NRF1: variants seen among roughly 807,000 people sequenced by gnomAD.
The protein encoded by NRF1 is alpha palindromic-binding protein.
NRF1 carries 5 observed loss-of-function variants against 58.5 expected under a neutral mutation model. The ratio of observed to expected loss-of-function variants is 0.09; its 90% CI spans 0.04 to 0.18. The LOEUF is 0.18. Ranked by LOEUF, NRF1 falls within the 10% of genes least tolerant of loss-of-function variation. The pLI is 1.00. For synonymous variants in NRF1, 224 were observed against 246.7 expected (o/e 0.91, Z 0.86); for missense variants, 288 against 657.7 (o/e 0.44, Z 6.15).
chr7:129,657,656 C>T, intron 2 of NRF1, 82 bp downstream of exon 2: 3 of 875,126 alleles, frequency 3.4e-6, no homozygotes, highest in Non-Finnish European at 5.1e-6. Context: ...GTTGCTCAGG[C>T]TGGGGTGCAG....
At chr7:129,692,130 C>T (rs115024561) in intron 5 of NRF1, among the ~76,000 whole-genome samples, 1,836 of 152,174 alleles carry the variant, frequency 0.012, 44 homozygotes, top group African/African-American at 0.042. Flanking sequence ...GTCAGTTCAC[C>T]TCTGAAATGT....
chr7:129,650,102 G>A (rs932096375), intron 1 of NRF1, among the ~76,000 whole-genome samples: 3 of 152,036 alleles, frequency 2.0e-5, no homozygotes, highest in Non-Finnish European at 4.4e-5. Flanking sequence ...TGATGATCCA[G>A]GGTAAGAAAG....
intron 1 of NRF1, among the ~76,000 whole-genome samples, chr7:129,637,224 G>A (rs984236676): frequency 3.3e-4 from 50 of 150,962 alleles, no homozygotes; most frequent in Non-Finnish European, 5.5e-4. Flanking sequence ...GTTCTGTACA[G>A]GATTCTGCTT....
chr7:129,676,830 A>G (rs1470364482), intron 3 of NRF1, among the ~76,000 whole-genome samples: 1 of 152,256 alleles, frequency 6.6e-6, no homozygotes, highest in East Asian at 1.9e-4. Context: ...AACACAAAAT[A>G]ACAAAGCACA....
intron 2 of NRF1, among the ~76,000 whole-genome samples, chr7:129,668,480 A>G (rs988961040): frequency 6.6e-6 from 1 of 152,348 alleles, no homozygotes; most frequent in African/African-American, 2.4e-5. Flanking sequence ...CAGTTTATCA[A>G]ATTCCACAAA....
chr7:129,656,858 C>G (rs1050470404), intron 1 of NRF1, among the ~76,000 whole-genome samples: 2 of 152,182 alleles, frequency 1.3e-5, no homozygotes, highest in Non-Finnish European at 2.9e-5. Context: ...ACTACAGGCA[C>G]TTGCCGCCAT....
intron 10 of NRF1, among the ~76,000 whole-genome samples, chr7:129,744,513 TTCGAACTGCTGGCC>T (rs1428411375): frequency 1.3e-5 from 2 of 152,106 alleles, no homozygotes; most frequent in Non-Finnish European, 2.9e-5. Context: ...AGACTACAGG[TTCGAACTGCTGGCC>T]TCAAGTGATC....
intron 2 of NRF1, among the ~76,000 whole-genome samples, chr7:129,664,343 T>C (rs929344707): frequency 6.6e-6 from 1 of 152,306 alleles, no homozygotes; most frequent in South Asian, 2.1e-4. Context: ...GTATTAGATA[T>C]TGATCTTAGA....
At chr7:129,656,777 A>G (rs1032238527) in intron 1 of NRF1, among the ~76,000 whole-genome samples, 1 of 152,262 alleles carries the variant, frequency 6.6e-6, no homozygotes, top group East Asian at 1.9e-4. Context: ...GGGTTTTGCC[A>G]TGTTGGCCAG....
chr7:129,725,332 CT>C (rs886446824), intron 9 of NRF1, among the ~76,000 whole-genome samples: 347 of 143,726 alleles, frequency 2.4e-3, no homozygotes, highest in Middle Eastern at 7.4e-3. Flanking sequence ...TAATTATTAT[CT>C]TTTTTTTTTT....
At position 129,755,441 on chromosome 7, in the gene NRF1, C is replaced by T. The variant is rs1323779252; in HGVS notation, c.*260C>T. ...CAAATTGTGGCAGGACTTCTTTCTGCGGAAATGTGTGTGTATACTTATGTG... is the reference window on the plus strand; with the variant it reads ...CAAATTGTGGCAGGACTTCTTTCTGTGGAAATGTGTGTGTATACTTATGTG... On this transcript the variant is annotated 3_prime_UTR_variant, in exon 11 of 11. Transcript: ENST00000393232. This position sits in a 1 kb window ranked among gnomAD's most constrained non-coding sequence, Gnocchi z 5.8. 3 of 377,992 alleles carry T rather than the reference C, an allele frequency of 7.9e-6. No homozygotes were observed. Among genetic ancestry groups the T allele is most frequent in the South Asian group, 6.0e-5 (2 of 33,590 alleles). 23.4% of individuals were successfully genotyped at this position (377,992 alleles called of 1,614,324 possible).
intron 10 of NRF1, among the ~76,000 whole-genome samples, chr7:129,754,616 C>G (rs1490646905): frequency 6.6e-6 from 1 of 151,910 alleles, no homozygotes. Flanking sequence ...TTCTGGTGTT[C>G]AGTTACACAG....
At chr7:129,753,505 C>T (rs1448453797) in intron 10 of NRF1, among the ~76,000 whole-genome samples, 1 of 152,166 alleles carries the variant, frequency 6.6e-6, no homozygotes, top group Admixed American at 6.5e-5. Flanking sequence ...GTTGACATCC[C>T]TCGGTTATAT....
At chr7:129,754,792 C>T (rs1804212782) in intron 10 of NRF1, among the ~76,000 whole-genome samples, 1 of 152,038 alleles carries the variant, frequency 6.6e-6, no homozygotes, top group Non-Finnish European at 1.5e-5. Context: ...CATTGTACCC[C>T]ATAAACATGA....
chr7:129,677,719 T>C lies in NRF1; in HGVS notation c.426T>C (p.Pro142=), dbSNP rs1325946314. 9.3e-6 allele frequency: 15 copies of C among 1,614,102 alleles called. No individual in the cohort carries two copies. The highest frequency in any genetic ancestry group is 1.3e-5 in the Non-Finnish European group (15 of 1,179,974). The change falls in exon 4 of 11, where the codon CCT becomes CCC. Residue 142 remains proline (P), a synonymous_variant. Transcript: ENST00000393232. ...GTATCTCACCCTCCAAACCTAACCC[T>C]GTCTTTAAAGTGTTTGGTGCAGCAC... The part of the protein sequence containing the change: ...VLCISPSKPN[P]VFKVFGAAPL...
At chr7:129,658,522 T>C (rs1801709299) in intron 2 of NRF1, among the ~76,000 whole-genome samples, 1 of 151,894 alleles carries the variant, frequency 6.6e-6, no homozygotes, top group South Asian at 2.1e-4. Flanking sequence ...GCCCAGGTGT[T>C]TGAGGGTGCA....
intron 9 of NRF1, among the ~76,000 whole-genome samples, chr7:129,720,694 A>T (rs774438024): frequency 5.3e-5 from 8 of 152,118 alleles, no homozygotes; most frequent in Non-Finnish European, 1.2e-4. Context: ...TTTACAGGGT[A>T]AAATGGGATC....
At chr7:129,719,202 G>A (rs1019948743) in intron 9 of NRF1, among the ~76,000 whole-genome samples, 3 of 150,988 alleles carry the variant, frequency 2.0e-5, no homozygotes, top group South Asian at 2.1e-4. Flanking sequence ...GCATGTTCTC[G>A]GCTCACCACA....
At chr7:129,668,463 C>T (rs1298171949) in intron 2 of NRF1, among the ~76,000 whole-genome samples, 1 of 152,148 alleles carries the variant, frequency 6.6e-6, no homozygotes, top group Non-Finnish European at 1.5e-5. Flanking sequence ...TATTTAAATA[C>T]TGGGATCAGT....
Sources: allele counts gnomAD v4.1 joint callset (sites outside exome capture counted in the v4.1 genomes callset), GRCh38; gene constraint gnomAD v4.1.1; non-coding constraint Gnocchi (gnomAD v3.1); transcripts MANE v1.5; gene names NCBI Gene and HGNC (gene_info 2026-07-23, HGNC 2026-07-21).